The following ERICH1 variants were observed in gnomAD, a reference collection of about 807,000 sequenced individuals.
The protein encoded by ERICH1 is glutamate-rich protein 1.
ERICH1 carries 56 observed loss-of-function variants against 39.6 expected under a neutral mutation model. The observed-to-expected ratio is 1.41, with a 90% CI of 1.14 to 1.77. The LOEUF is 1.77. ERICH1 is among the 40% of genes most tolerant of loss of function. The pLI, the probability that ERICH1 is intolerant of heterozygous loss-of-function variation, is 0.00. For synonymous variants in ERICH1, 313 were observed against 223.6 expected (o/e 1.40, Z -3.57); for missense variants, 826 against 575.4 (o/e 1.44, Z -4.45).
rs1801865100 is a variant in ERICH1, at chr8:664,313, C to A, written c.*290G>T. ...TATGAGCTTCAAACTATACATTTAACTTAACAGAATGTCCATTTTCAATTT... is the reference window on the plus strand; with the variant it reads ...TATGAGCTTCAAACTATACATTTAAATTAACAGAATGTCCATTTTCAATTT... On this transcript the variant is annotated 3_prime_UTR_variant, in exon 6 of 6. Transcript: ENST00000262109. 1 of 1,068,260 alleles carries A rather than the reference C, an allele frequency of 9.4e-7. No individual in the cohort carries two copies. Among genetic ancestry groups the A allele is most frequent in the Non-Finnish European group, 1.1e-6 (1 of 883,842 alleles). 66.2% of individuals were successfully genotyped at this position (1,068,260 alleles called of 1,614,324 possible). A position where few individuals can be genotyped will look rare whatever the true frequency, so the allele number is the denominator to read the frequency against.
chr8:681,894 G>A (rs1806207213), intron 3 of ERICH1, among the ~76,000 whole-genome samples: 1 of 152,096 alleles, frequency 6.6e-6, no homozygotes. Flanking sequence ...CCCCACCCTT[G>A]ACACCTGATT....
rs139381487 is a variant in ERICH1, at chr8:715,148, G to C, written c.169+713C>G. On this transcript the variant is annotated intron_variant, in intron 2 of 5. Transcript: ENST00000262109. ...CTTCCCACATCTCTCAGTGGGATGT[G>C]CTGCACCCAGGTGGCCTCTTCCCGC... Among the ~76,000 whole-genome samples, 691 of 152,058 alleles carry C rather than the reference G, an allele frequency of 4.5e-3. 2 individuals are homozygous for C. Among genetic ancestry groups the C allele is most frequent in the African/African-American group, 0.016 (646 of 41,472 alleles).
chr8:688,783 G>C (rs534602414), intron 3 of ERICH1, among the ~76,000 whole-genome samples: 1 of 152,292 alleles, frequency 6.6e-6, no homozygotes, highest in South Asian at 2.1e-4. Context: ...TGAGCTTCCT[G>C]GTGGCAAAAG....
chr8:682,664 C>T (rs1286988270), intron 3 of ERICH1, among the ~76,000 whole-genome samples: 1 of 152,230 alleles, frequency 6.6e-6, no homozygotes, highest in East Asian at 1.9e-4. Context: ...TTCAGACACA[C>T]TAACTTTAAA....
At chr8:635,547 G>C in intron 3 of ERICH1, among the ~76,000 whole-genome samples, 1 of 152,204 alleles carries the variant, frequency 6.6e-6, no homozygotes, top group East Asian at 1.9e-4. Context: ...CAGCCCGCAG[G>C]CGGCACAGCT....
intron 1 of ERICH1, 57 bp from the exon 2 acceptor site, chr8:716,064 T>C: frequency 2.0e-6 from 3 of 1,537,052 alleles, no homozygotes; most frequent in Non-Finnish European, 1.7e-6. Context: ...ATGCAGTTTA[T>C]CTGAATCACA....
intron 1 of ERICH1, among the ~76,000 whole-genome samples, chr8:721,098 T>C (rs1280599877): frequency 6.6e-6 from 1 of 152,240 alleles, no homozygotes. Flanking sequence ...TCAAAATGGA[T>C]ATCTCATTAT....
chr8:616,416 C>A (rs1192150176), intron 3 of ERICH1: 3 of 404,656 alleles, frequency 7.4e-6, no homozygotes, highest in East Asian at 7.4e-5. Context: ...GTGAGGCTGA[C>A]CGAACCCCGC....
intron 3 of ERICH1, among the ~76,000 whole-genome samples, chr8:631,655 C>T (rs973627747): frequency 2.6e-5 from 4 of 152,154 alleles, no homozygotes; most frequent in Middle Eastern, 3.2e-3. Flanking sequence ...AAAATATACA[C>T]AACATAAAAT....
downstream of ERICH1, chr8:664,104 C>T (rs143370258): frequency 7.7e-4 from 324 of 422,166 alleles, 2 homozygotes; most frequent in African/African-American, 6.7e-3. Context: ...CTGACGACTG[C>T]TTCTATGACA....
intron 3 of ERICH1, among the ~76,000 whole-genome samples, chr8:634,696 C>T (rs1410230791): frequency 6.6e-6 from 1 of 152,188 alleles, no homozygotes; most frequent in Non-Finnish European, 1.5e-5. Flanking sequence ...GGCACCCACT[C>T]AGCTGGTCCC....
At chr8:650,465 G>A (rs1231995170) in intron 3 of ERICH1, among the ~76,000 whole-genome samples, 1 of 152,184 alleles carries the variant, frequency 6.6e-6, no homozygotes, top group African/African-American at 2.4e-5. Flanking sequence ...TACCGTCCTC[G>A]GCAGGGCACT....
chr8:634,233 A>G (rs558205227), intron 3 of ERICH1, among the ~76,000 whole-genome samples: 1 of 152,024 alleles, frequency 6.6e-6, no homozygotes, highest in Non-Finnish European at 1.5e-5. Context: ...GACTTGAATC[A>G]ACATTTATCC....
At chr8:708,701 T>TTTTTTTTTTG (rs1814000707) in intron 2 of ERICH1, among the ~76,000 whole-genome samples, 15 of 136,574 alleles carry the variant, frequency 1.1e-4, no homozygotes, top group African/African-American at 3.6e-4. Context: ...TTTTTTTTTT[T>TTTTTTTTTTG]TTTTTTTTTT....
At chr8:629,141 A>G (rs561951414) in intron 3 of ERICH1, among the ~76,000 whole-genome samples, 1 of 152,274 alleles carries the variant, frequency 6.6e-6, no homozygotes, top group Non-Finnish European at 1.5e-5. Flanking sequence ...ACGATCACAC[A>G]TGCCAAACTG....
intron 3 of ERICH1, among the ~76,000 whole-genome samples, chr8:632,001 C>A (rs565815407): frequency 2.6e-5 from 4 of 152,166 alleles, no homozygotes; most frequent in Non-Finnish European, 2.9e-5. Context: ...TCCTATGCTG[C>A]TTAGAACTCC....
chr8:663,350 C>T (rs1801714783), downstream of ERICH1, among the ~76,000 whole-genome samples: 3 of 152,218 alleles, frequency 2.0e-5, no homozygotes, highest in Non-Finnish European at 2.9e-5. Context: ...ACTTGAGCAG[C>T]CACCTCCACC....
chr8:629,550 C>G (rs1797824867), intron 3 of ERICH1, among the ~76,000 whole-genome samples: 1 of 150,902 alleles, frequency 6.6e-6, no homozygotes. Context: ...TGTGAGCACC[C>G]ACACGGACAG....
intron 5 of ERICH1, chr8:668,391 C>A: frequency 1.7e-6 from 1 of 601,932 alleles, no homozygotes; most frequent in Non-Finnish European, 2.9e-6. Flanking sequence ...ACTGCACATG[C>A]ATTTCTGCAT....
Sources: gnomAD v4.1 joint callset for allele counts (sites outside exome capture counted in the v4.1 genomes callset) on GRCh38, gnomAD v4.1.1 for gene constraint, MANE v1.5 for transcripts, NCBI Gene and HGNC (gene_info 2026-07-23, HGNC 2026-07-21) for gene names.